Variants in TUBA1C observed in about 807,000 individuals in gnomAD.
TUBA1C encodes the protein tubulin alpha 1c, also known as tubulin alpha-1C chain.
A neutral mutation model predicts 34.9 loss-of-function variants in TUBA1C; 16 were observed. The ratio of observed to expected loss-of-function variants is 0.46; its 90% CI spans 0.31 to 0.70. The LOEUF is 0.70. TUBA1C is among the 30% of genes least tolerant of loss of function. The pLI is 0.05. For missense variants in TUBA1C, 329 were observed against 587.3 expected (o/e 0.56, Z 4.55); for synonymous variants, 177 against 215.9 (o/e 0.82, Z 1.58).
At chr12:49,255,661 C>G (rs1468592135) in intron 1 of TUBA1C, among the ~76,000 whole-genome samples, 1 of 152,182 alleles carries the variant, frequency 6.6e-6, no homozygotes, top group Non-Finnish European at 1.5e-5. Context: ...CAGGTTCAAG[C>G]GATTCTCCAT....
At chr12:49,265,941 A>C (rs1023993383) in intron 1 of TUBA1C, among the ~76,000 whole-genome samples, 1 of 139,188 alleles carries the variant, frequency 7.2e-6, no homozygotes, top group Non-Finnish European at 1.5e-5. Context: ...AACATGGTGA[A>C]ACCCCGTCTC....
intron 1 of TUBA1C, among the ~76,000 whole-genome samples, chr12:49,248,867 C>CAA (rs201685193): frequency 0.049 from 2,903 of 59,286 alleles, 50 homozygotes; most frequent in Middle Eastern, 0.11. Context: ...GACTCCCTCT[C>CAA]AAAAAAAAAA....
At chr12:49,232,614 T>C (rs1239123745) in intron 1 of TUBA1C, among the ~76,000 whole-genome samples, 1 of 152,166 alleles carries the variant, frequency 6.6e-6, no homozygotes, top group Non-Finnish European at 1.5e-5. Context: ...ATATCACTTA[T>C]AATGTAGAAA....
chr12:49,262,431 GC>G (rs1942850716), upstream of TUBA1C, among the ~76,000 whole-genome samples: 3 of 97,606 alleles, frequency 3.1e-5, no homozygotes, highest in Middle Eastern at 5.0e-3. Context: ...AAGTTTTATA[GC>G]AAAAAAAAAA....
At chr12:49,239,335 T>C (rs528401836) in intron 1 of TUBA1C, among the ~76,000 whole-genome samples, 2 of 152,198 alleles carry the variant, frequency 1.3e-5, no homozygotes, top group South Asian at 2.1e-4. Context: ...TAACGTCACA[T>C]AATGTATTAA....
At chr12:49,237,249 A>C (rs572075087) in intron 1 of TUBA1C, among the ~76,000 whole-genome samples, 1 of 150,338 alleles carries the variant, frequency 6.7e-6, no homozygotes, top group South Asian at 2.1e-4. Context: ...GAGAAACCCC[A>C]TCTCTACTAA....
intron 1 of TUBA1C, among the ~76,000 whole-genome samples, chr12:49,229,177 C>T (rs2136982024): frequency 6.6e-6 from 1 of 152,222 alleles, no homozygotes; most frequent in African/African-American, 2.4e-5. Flanking sequence ...GAACCTTTAT[C>T]TTTTTTGCGT....
chr12:49,246,080 T>A (rs1007549472), intron 1 of TUBA1C, among the ~76,000 whole-genome samples: 9 of 151,838 alleles, frequency 5.9e-5, no homozygotes, highest in Non-Finnish European at 1.3e-4. Context: ...AATTTTTGTA[T>A]TTTTTAGTAG....
chr12:49,269,054 C>CTG (rs1942953182), intron 1 of TUBA1C, among the ~76,000 whole-genome samples: 3 of 152,092 alleles, frequency 2.0e-5, no homozygotes, highest in South Asian at 2.1e-4. Context: ...GAGTGGCCTG[C>CTG]TGAAAGATGG....
chr12:49,246,642 T>C (rs1293358843), intron 1 of TUBA1C, among the ~76,000 whole-genome samples: 1 of 151,424 alleles, frequency 6.6e-6, no homozygotes, highest in African/African-American at 2.4e-5. Context: ...ACCACTGCAC[T>C]CTAGCCTGGG....
intron 1 of TUBA1C, among the ~76,000 whole-genome samples, chr12:49,255,407 T>TATAA (rs1277012274): frequency 2.2e-4 from 28 of 130,140 alleles, no homozygotes; most frequent in African/African-American, 7.3e-4. Context: ...CTTTAAAAAA[T>TATAA]ATATATATAT....
chr12:49,243,617 A>G (rs1180239453), intron 1 of TUBA1C, among the ~76,000 whole-genome samples: 1 of 151,936 alleles, frequency 6.6e-6, no homozygotes, highest in African/African-American at 2.4e-5. Flanking sequence ...TATTTTATCT[A>G]TTTATTTATT....
rs1245037753 is a variant in TUBA1C, at chr12:49,267,045, AGG to A, written c.3+1862_3+1863del. Among the ~76,000 whole-genome samples, 4 of 152,252 alleles carry A rather than the reference AGG, an allele frequency of 2.6e-5. 1 individual carries two copies. Among genetic ancestry groups the A allele is most frequent in the Middle Eastern group, 6.8e-3 (2 of 294 alleles). ...TTAAATTTTCTTGTTTTTTAACGAG[AGG>A]TAAGAGCTGCTTATCCAGTTAACAC... On this transcript the variant is annotated intron_variant, in intron 1 of 3. Coordinates refer to ENST00000301072, the MANE Select transcript of TUBA1C (RefSeq NM_032704.5).
chr12:49,251,178 G>A (rs1942728612), intron 1 of TUBA1C, among the ~76,000 whole-genome samples: 1 of 152,190 alleles, frequency 6.6e-6, no homozygotes, highest in Non-Finnish European at 1.5e-5. Flanking sequence ...CTGCACTCCA[G>A]CCTGGGGCAA....
chr12:49,242,764 AGGTATGAGCTACCGC>A (rs1464284081), intron 1 of TUBA1C, among the ~76,000 whole-genome samples: 2 of 152,170 alleles, frequency 1.3e-5, no homozygotes, highest in African/African-American at 4.8e-5. Context: ...CTGGGAATAC[AGGTATGAGCTACCGC>A]GCCTGGCTCA....
At chr12:49,250,068 G>A (rs1449239786) in intron 1 of TUBA1C, among the ~76,000 whole-genome samples, 1 of 151,608 alleles carries the variant, frequency 6.6e-6, no homozygotes, top group Non-Finnish European at 1.5e-5. Context: ...TGTGGTGGCG[G>A]GTGCCTGTAA....
intron 3 of TUBA1C, among the ~76,000 whole-genome samples, chr12:49,270,679 G>A (rs946102159): frequency 2.6e-5 from 4 of 152,082 alleles, no homozygotes; most frequent in Non-Finnish European, 4.4e-5. Flanking sequence ...TGATGTTTCC[G>A]ATGCTTAAAA....
At chr12:49,228,812 T>C (rs1016507014) in intron 1 of TUBA1C, among the ~76,000 whole-genome samples, 2 of 152,186 alleles carry the variant, frequency 1.3e-5, no homozygotes, top group Non-Finnish European at 2.9e-5. Flanking sequence ...TCCCCAGGTT[T>C]GGATGGCTTT....
upstream of TUBA1C, among the ~76,000 whole-genome samples, chr12:49,263,805 C>T (rs1384926579): frequency 2.6e-5 from 4 of 152,192 alleles, no homozygotes; most frequent in Admixed American, 1.3e-4. Context: ...TTTAGTATGA[C>T]GCAGTACAAG....
Sources: allele counts gnomAD v4.1 joint callset (sites outside exome capture counted in the v4.1 genomes callset), GRCh38; gene constraint gnomAD v4.1.1; transcripts MANE v1.5; gene names NCBI Gene and HGNC (gene_info 2026-07-23, HGNC 2026-07-21).